Variants in RAB8B observed in about 807,000 individuals in gnomAD.
RAB8B encodes RAB8B, member RAS oncogene family, also known as ras-related protein Rab-8B.
A neutral mutation model predicts 32.0 loss-of-function variants in RAB8B; 11 were observed. The observed-to-expected ratio is 0.34, with a 90% CI of 0.22 to 0.57. The LOEUF is 0.57. Ranked by LOEUF, RAB8B falls within the 20% of genes least tolerant of loss-of-function variation. RAB8B has a pLI of 0.86. For synonymous variants in RAB8B, 103 were observed against 89.6 expected, an observed-to-expected ratio of 1.15 and a Z score of -0.85; for missense variants, 190 against 258.5, an observed-to-expected ratio of 0.73 and a Z score of 1.82.
chr15:63,262,794 G>A, intron 7 of RAB8B, 52 bp downstream of exon 7: 1 of 902,120 alleles, frequency 1.1e-6, no homozygotes, highest in South Asian at 2.6e-5. Flanking sequence ...TTTGGCATTT[G>A]ATGAAAAGGA....
chr15:63,209,521 G>T (rs62011237), intron 1 of RAB8B, among the ~76,000 whole-genome samples: 57,759 of 151,136 alleles, frequency 0.38, 12,401 homozygotes, highest in Non-Finnish European at 0.5. Flanking sequence ...AACCCGGGAG[G>T]CGGAGGTTGC....
intron 1 of RAB8B, among the ~76,000 whole-genome samples, chr15:63,200,603 C>T (rs900880708): frequency 7.1e-6 from 1 of 141,550 alleles, no homozygotes; most frequent in Non-Finnish European, 1.5e-5. Flanking sequence ...GCCTAGGCAA[C>T]ATAGTGAGAC....
At chr15:63,234,722 G>C (rs954584958) in intron 1 of RAB8B, among the ~76,000 whole-genome samples, 3 of 152,314 alleles carry the variant, frequency 2.0e-5, no homozygotes, top group African/African-American at 7.2e-5. Flanking sequence ...GGACAATGCA[G>C]AAACCTCAAA....
intron 1 of RAB8B, among the ~76,000 whole-genome samples, chr15:63,230,609 A>G (rs2037928886): frequency 6.6e-6 from 1 of 152,184 alleles, no homozygotes; most frequent in Non-Finnish European, 1.5e-5. Flanking sequence ...GCCTGTTATC[A>G]CTTTTTATTT....
intron 1 of RAB8B, among the ~76,000 whole-genome samples, chr15:63,195,848 A>G (rs924111499): frequency 1.3e-5 from 2 of 152,240 alleles, no homozygotes; most frequent in Admixed American, 6.5e-5. Flanking sequence ...GTATGATATC[A>G]CTAAGCTTCA....
At chr15:63,213,971 C>G (rs996156280) in intron 1 of RAB8B, among the ~76,000 whole-genome samples, 1 of 151,938 alleles carries the variant, frequency 6.6e-6, no homozygotes, top group South Asian at 2.1e-4. Context: ...ATCCCAGCTA[C>G]TCGGGAGGCT....
chr15:63,244,420 A>T (rs1181395301), intron 1 of RAB8B, among the ~76,000 whole-genome samples: 1 of 152,188 alleles, frequency 6.6e-6, no homozygotes, highest in Non-Finnish European at 1.5e-5. Flanking sequence ...TGAGGAGTAG[A>T]TAGGAAGCAT....
At chr15:63,224,490 A>G (rs1435594132) in intron 1 of RAB8B, among the ~76,000 whole-genome samples, 2 of 152,040 alleles carry the variant, frequency 1.3e-5, no homozygotes, top group Admixed American at 1.3e-4. Context: ...AAAATTACCT[A>G]ATTGCCCCAT....
chr15:63,199,517 G>T (rs1049621445), intron 1 of RAB8B, among the ~76,000 whole-genome samples: 1 of 152,136 alleles, frequency 6.6e-6, no homozygotes, highest in South Asian at 2.1e-4. Flanking sequence ...TGAAAAATTT[G>T]TGGGAAAAGT....
At chr15:63,205,291 C>G (rs2037688853) in intron 1 of RAB8B, among the ~76,000 whole-genome samples, 1 of 152,100 alleles carries the variant, frequency 6.6e-6, no homozygotes, top group African/African-American at 2.4e-5. Context: ...CAGAGTGAGA[C>G]TCCATCTGTA....
chr15:63,222,698 C>T (rs1398829241), intron 1 of RAB8B, among the ~76,000 whole-genome samples: 1 of 152,102 alleles, frequency 6.6e-6, no homozygotes, highest in Admixed American at 6.5e-5. Flanking sequence ...CCACGACACC[C>T]GACTAATTTT....
intron 1 of RAB8B, among the ~76,000 whole-genome samples, chr15:63,205,114 A>G (rs1269918021): frequency 1.3e-5 from 2 of 152,238 alleles, no homozygotes; most frequent in Admixed American, 6.5e-5. Flanking sequence ...CCTGGTCAAC[A>G]TGGTGAAACC....
intron 4 of RAB8B, 126 bp downstream of exon 4, chr15:63,255,710 T>A: frequency 1.5e-6 from 1 of 679,046 alleles, no homozygotes; most frequent in Admixed American, 2.5e-5. Context: ...GCCCTCTCTC[T>A]CTGAAGAGCT....
At chr15:63,190,105 G>C (rs899070811) in intron 1 of RAB8B, among the ~76,000 whole-genome samples, 3 of 151,260 alleles carry the variant, frequency 2.0e-5, no homozygotes, top group African/African-American at 7.3e-5. Context: ...ATCTCATGTA[G>C]AGAGAAGGGG....
chr15:63,217,659 C>T (rs1232116177), intron 1 of RAB8B, among the ~76,000 whole-genome samples: 1 of 152,164 alleles, frequency 6.6e-6, no homozygotes, highest in East Asian at 1.9e-4. Context: ...GGTTTCCATG[C>T]TGTATAATTA....
chr15:63,228,290 A>C (rs2037906235), intron 1 of RAB8B, among the ~76,000 whole-genome samples: 1 of 152,198 alleles, frequency 6.6e-6, no homozygotes, highest in Admixed American at 6.5e-5. Context: ...TGCTGGGATT[A>C]TAGGTGTGAG....
chr15:63,251,477 G>A (rs1306952792), intron 3 of RAB8B: 1 of 341,660 alleles, frequency 2.9e-6, no homozygotes, highest in African/African-American at 2.2e-5. Flanking sequence ...TAGAATATAA[G>A]AGTAAATGTT....
chr15:63,227,001 G>T (rs576127402), intron 1 of RAB8B, among the ~76,000 whole-genome samples: 2 of 152,286 alleles, frequency 1.3e-5, no homozygotes, highest in East Asian at 3.9e-4. Context: ...GTGCTGGTGG[G>T]AGTGTAGCAG....
chr15:63,219,813 G>C (rs574780164), intron 1 of RAB8B, among the ~76,000 whole-genome samples: 1 of 152,246 alleles, frequency 6.6e-6, no homozygotes, highest in African/African-American at 2.4e-5. Context: ...TTGATGGAAG[G>C]CTTCCACTGC....
Sources: allele counts gnomAD v4.1 joint callset (sites outside exome capture counted in the v4.1 genomes callset), GRCh38; gene constraint gnomAD v4.1.1; transcripts MANE v1.5; gene names NCBI Gene and HGNC (gene_info 2026-07-23, HGNC 2026-07-21).